Variants in RHPN2 observed in about 807,000 individuals in gnomAD.
The protein encoded by RHPN2 is rhophilin Rho GTPase binding protein 2.
RHPN2 carries 40 observed loss-of-function variants against 79.0 expected under a neutral mutation model. The observed-to-expected ratio is 0.51, with a 90% CI of 0.39 to 0.66. The LOEUF (loss-of-function observed/expected upper bound fraction) is 0.66. Among genes scored for constraint, RHPN2 ranks in the 30% least tolerant of loss-of-function variants. The pLI, the probability that RHPN2 is intolerant of heterozygous loss-of-function variation, is 0.00. For synonymous variants in RHPN2, 285 were observed against 363.5 expected, an observed-to-expected ratio of 0.78 and a Z score of 2.46; for missense variants, 686 against 883.5, an observed-to-expected ratio of 0.78 and a Z score of 2.83.
chr19:32,987,027 C>T (rs1178237160), intron 14 of RHPN2, among the ~76,000 whole-genome samples: 2 of 151,696 alleles, frequency 1.3e-5, no homozygotes, highest in East Asian at 2.0e-4. Flanking sequence ...CAGGCATACG[C>T]CACCATGCCT....
intron 9 of RHPN2, among the ~76,000 whole-genome samples, chr19:33,001,340 C>A (rs935034875): frequency 3.3e-5 from 5 of 151,988 alleles, no homozygotes; most frequent in African/African-American, 1.2e-4. Flanking sequence ...AGTTTGAAAC[C>A]AACTTAGGCA....
At chr19:33,010,335 C>T (rs1461791164) in intron 6 of RHPN2, among the ~76,000 whole-genome samples, 5 of 151,634 alleles carry the variant, frequency 3.3e-5, no homozygotes, top group Non-Finnish European at 5.9e-5. Flanking sequence ...ACACTCCTAA[C>T]GACACTCAGA....
intron 1 of RHPN2, among the ~76,000 whole-genome samples, chr19:33,058,153 C>T (rs1972249436): frequency 6.6e-6 from 1 of 152,118 alleles, no homozygotes; most frequent in Non-Finnish European, 1.5e-5. Context: ...GAGCGAGACT[C>T]CATTTCAGAA....
At chr19:32,985,620 C>T (rs1186699955) in intron 14 of RHPN2, among the ~76,000 whole-genome samples, 1 of 152,150 alleles carries the variant, frequency 6.6e-6, no homozygotes, top group Non-Finnish European at 1.5e-5. Flanking sequence ...GAGACCCTGT[C>T]TCAAAACAAA....
At chr19:33,021,857 G>GACCACCACCTCCCTAA (rs1971926924) in intron 3 of RHPN2, among the ~76,000 whole-genome samples, 1 of 152,010 alleles carries the variant, frequency 6.6e-6, no homozygotes, top group African/African-American at 2.4e-5. Flanking sequence ...TAAGACTGCT[G>GACCACCACCTCCCTAA]GACCACCCCT....
rs756324709 is a variant in RHPN2, at chr19:32,979,948, A to G, written c.*48T>C. ...ATTATGGCACAAACGTTTAAGGCCG[A>G]GTCAGCACCGGAAATGTTCAGGGCC... On this transcript the variant is annotated 3_prime_UTR_variant, in exon 15 of 15. Transcript: ENST00000254260. 4 of 1,608,382 alleles carry G rather than the reference A, an allele frequency of 2.5e-6. No homozygotes were observed. Among genetic ancestry groups the G allele is most frequent in the Non-Finnish European group, 3.4e-6 (4 of 1,175,022 alleles).
intron 14 of RHPN2, 53 bp from the exon 15 acceptor site, chr19:32,980,309 T>C: frequency 2.5e-6 from 4 of 1,612,390 alleles, no homozygotes; most frequent in Non-Finnish European, 3.4e-6. Flanking sequence ...AGATAGATGA[T>C]AAAAACTACG....
chr19:32,999,753 A>G lies in RHPN2; in HGVS notation c.1106-48T>C, dbSNP rs527382470. ...AATCCCCTCTCATGGACCTGGCCAC[A>G]GACCCACGTAGAGATTTCTCTACCA... On this transcript the variant is annotated intron_variant, in intron 9 of 14. Coordinates refer to ENST00000254260, the MANE Select transcript of RHPN2 (RefSeq NM_033103.5). 4 of 1,597,562 alleles carry G rather than the reference A, an allele frequency of 2.5e-6. No homozygotes were observed. The African/African-American group carries it at 5.4e-5, about 21-fold the overall frequency.
intron 5 of RHPN2, 62 bp downstream of exon 5, chr19:33,012,585 A>T (rs1427929947): frequency 1.3e-4 from 134 of 1,021,910 alleles, no homozygotes; most frequent in Non-Finnish European, 2.7e-5. Context: ...GCGTGCAATA[A>T]TGGGGTTCCC....
rs558575759 is a variant in RHPN2 at position 33,034,695 on chromosome 19, C to T, written c.186-8063G>A. On this transcript the variant is annotated intron_variant, in intron 2 of 14. Transcript: ENST00000254260. ...ACTCAGGAGGCTGAGGCAGGAGAAT[C>T]GCTTGAACCTGGGAGGCGGAGGCTG... Among the ~76,000 whole-genome samples, 29 of 142,320 alleles carry T rather than the reference C, an allele frequency of 2.0e-4. 1 individual carries two copies. Among genetic ancestry groups the T allele is most frequent in the Middle Eastern group, 8.3e-3 (2 of 240 alleles). 93.4% of individuals were successfully genotyped at this position (142,320 alleles called of 152,430 possible). A position where few individuals can be genotyped will look rare whatever the true frequency, so the allele number is the denominator to read the frequency against.
intron 12 of RHPN2, among the ~76,000 whole-genome samples, chr19:32,992,719 G>A (rs967400473): frequency 1.3e-5 from 2 of 151,858 alleles, no homozygotes; most frequent in African/African-American, 2.4e-5. Flanking sequence ...GCTGAGGCAG[G>A]AGGACTTCTT....
At chr19:33,055,451 C>T (rs905057180) in intron 1 of RHPN2, among the ~76,000 whole-genome samples, 3 of 152,012 alleles carry the variant, frequency 2.0e-5, no homozygotes, top group Admixed American at 6.6e-5. Flanking sequence ...GCCTCCCTCC[C>T]TCTCCACCTG....
chr19:32,992,517 T>C (rs751346141), intron 12 of RHPN2, among the ~76,000 whole-genome samples: 7 of 152,064 alleles, frequency 4.6e-5, no homozygotes, highest in Non-Finnish European at 7.4e-5. Context: ...AAATCTCTAA[T>C]ATAAAAAATG....
chr19:32,995,193 C>T (rs545885635), intron 11 of RHPN2, among the ~76,000 whole-genome samples: 13 of 152,188 alleles, frequency 8.5e-5, no homozygotes, highest in Admixed American at 8.5e-4. Flanking sequence ...CTGCCTCAGC[C>T]TCCCGAGTAG....
At chr19:32,981,239 C>T (rs535428084) in intron 14 of RHPN2, among the ~76,000 whole-genome samples, 1 of 151,814 alleles carries the variant, frequency 6.6e-6, no homozygotes, top group East Asian at 1.9e-4. Context: ...CTCATGGTCA[C>T]GAATATGAAA....
chr19:33,060,798 C>A (rs958992620), intron 1 of RHPN2, among the ~76,000 whole-genome samples: 1 of 152,256 alleles, frequency 6.6e-6, no homozygotes, highest in African/African-American at 2.4e-5. Context: ...TCCCAAAATG[C>A]TGAGATTACA....
At chr19:33,000,535 C>A (rs1252143227) in intron 9 of RHPN2, among the ~76,000 whole-genome samples, 1 of 151,942 alleles carries the variant, frequency 6.6e-6, no homozygotes, top group South Asian at 2.1e-4. Context: ...TGACCCTGAG[C>A]CCCCACACGC....
chr19:33,017,932 T>C (rs146489945), intron 4 of RHPN2, among the ~76,000 whole-genome samples: 3,397 of 151,744 alleles, frequency 0.022, 113 homozygotes, highest in African/African-American at 0.078. Flanking sequence ...GAGGCAGGTG[T>C]ATCATGAGGT....
At chr19:33,057,036 C>T (rs985403151) in intron 1 of RHPN2, among the ~76,000 whole-genome samples, 10 of 150,258 alleles carry the variant, frequency 6.7e-5, no homozygotes, top group African/African-American at 2.2e-4. Flanking sequence ...AGGAGAATGG[C>T]GTGGACCCGG....
Sources: allele counts gnomAD v4.1 joint callset (sites outside exome capture counted in the v4.1 genomes callset), GRCh38; gene constraint gnomAD v4.1.1; transcripts MANE v1.5; gene names NCBI Gene and HGNC (gene_info 2026-07-23, HGNC 2026-07-21).